The following WDR59 variants were observed in gnomAD, a reference collection of about 807,000 sequenced individuals.
The protein encoded by WDR59 is WD repeat domain 59, also known as GATOR2 complex protein WDR59.
In WDR59, 100 loss-of-function variants were observed where a neutral mutation model predicts 131.2. That is an observed-to-expected ratio of 0.76 (90% CI 0.65 to 0.90). The LOEUF is 0.90. Among genes scored for constraint, WDR59 ranks in the 40% least tolerant of loss-of-function variants. The pLI, the probability that WDR59 is intolerant of heterozygous loss-of-function variation, is 0.00. For synonymous variants in WDR59, 601 were observed against 466.2 expected (o/e 1.29, Z -3.72); for missense variants, 1,203 against 1,262.2 (o/e 0.95, Z 0.71).
intron 17 of WDR59, among the ~76,000 whole-genome samples, chr16:74,907,074 G>T (rs1965853780): frequency 6.6e-6 from 1 of 152,094 alleles, no homozygotes; most frequent in South Asian, 2.1e-4. Flanking sequence ...ACTCCAATAA[G>T]GAATCGGGTG....
At chr16:74,881,284 C>G (rs5001476) in intron 25 of WDR59, among the ~76,000 whole-genome samples, 2,652 of 152,234 alleles carry the variant, frequency 0.017, 58 homozygotes, top group African/African-American at 0.057. Flanking sequence ...GACAAGATTA[C>G]CACAGAGGAA....
chr16:74,968,205 G>T (rs1318076268), intron 1 of WDR59, among the ~76,000 whole-genome samples: 1 of 152,124 alleles, frequency 6.6e-6, no homozygotes, highest in Non-Finnish European at 1.5e-5. Flanking sequence ...AGAGGACGGG[G>T]AGACTGAGAG....
chr16:74,889,375 G>T (rs1300031516), intron 21 of WDR59, among the ~76,000 whole-genome samples: 1 of 152,204 alleles, frequency 6.6e-6, no homozygotes, highest in Non-Finnish European at 1.5e-5. Flanking sequence ...AGACCCTAGA[G>T]CTTTCAAGAA....
chr16:74,943,584 C>G (rs1313525352), intron 6 of WDR59, among the ~76,000 whole-genome samples: 1 of 152,206 alleles, frequency 6.6e-6, no homozygotes, highest in Non-Finnish European at 1.5e-5. Flanking sequence ...GCACCTCTAG[C>G]TGACTTTTAA....
chr16:74,934,633 A>G (rs1432148486), intron 8 of WDR59, among the ~76,000 whole-genome samples: 1 of 152,144 alleles, frequency 6.6e-6, no homozygotes, highest in African/African-American at 2.4e-5. Context: ...GCTACAAGCT[A>G]CAGATCAGAA....
chr16:74,940,335 C>T (rs1300874039), intron 7 of WDR59, among the ~76,000 whole-genome samples: 8 of 150,834 alleles, frequency 5.3e-5, no homozygotes, highest in South Asian at 4.2e-4. Flanking sequence ...GCCAAGAATG[C>T]GCCATTGCAC....
chr16:74,964,878 C>A (rs935497400), intron 2 of WDR59, among the ~76,000 whole-genome samples: 15 of 152,040 alleles, frequency 9.9e-5, no homozygotes, highest in Non-Finnish European at 1.8e-4. Flanking sequence ...GCCTGGCCAA[C>A]ATGGTGAAAC....
chr16:74,950,010 T>G, intron 4 of WDR59: 3 of 608,324 alleles, frequency 4.9e-6, no homozygotes, highest in Non-Finnish European at 9.3e-6. Context: ...TACCATCATC[T>G]GCTCCCAGAA....
intron 25 of WDR59, among the ~76,000 whole-genome samples, chr16:74,884,302 T>G (rs1233731931): frequency 6.6e-6 from 1 of 152,212 alleles, no homozygotes; most frequent in Non-Finnish European, 1.5e-5. Context: ...GCACACTGCT[T>G]ACTTCTTATG....
At chr16:74,971,157 T>C (rs1041454368) in intron 1 of WDR59, among the ~76,000 whole-genome samples, 1 of 152,144 alleles carries the variant, frequency 6.6e-6, no homozygotes, top group Non-Finnish European at 1.5e-5. Context: ...ATATTTTTGG[T>C]GGTTTCTCTT....
intron 2 of WDR59, chr16:74,959,724 G>A (rs902742355): frequency 7.6e-6 from 2 of 261,586 alleles, no homozygotes; most frequent in South Asian, 3.8e-5. Flanking sequence ...AGGCTGCAGC[G>A]AGCCATGATT....
intron 8 of WDR59, among the ~76,000 whole-genome samples, chr16:74,924,291 C>A (rs985440952): frequency 6.6e-6 from 1 of 152,222 alleles, no homozygotes; most frequent in African/African-American, 2.4e-5. Context: ...GCTGAAAATT[C>A]AGAGTGACGT....
At chr16:74,880,216 G>A (rs1328863560) in intron 25 of WDR59, among the ~76,000 whole-genome samples, 1 of 152,136 alleles carries the variant, frequency 6.6e-6, no homozygotes, top group East Asian at 1.9e-4. Context: ...GGGAGGCCGA[G>A]GCAGGAGGAC....
At chr16:74,891,371 A>G (rs1458782039) in intron 20 of WDR59, among the ~76,000 whole-genome samples, 1 of 152,214 alleles carries the variant, frequency 6.6e-6, no homozygotes, top group African/African-American at 2.4e-5. Context: ...TGAAAAATAT[A>G]CAGAAGGTAT....
At chr16:74,926,828 G>A (rs1305999291) in intron 8 of WDR59, among the ~76,000 whole-genome samples, 1 of 152,156 alleles carries the variant, frequency 6.6e-6, no homozygotes, top group East Asian at 1.9e-4. Context: ...GAAAAATTTA[G>A]AGTTCGAAGT....
chr16:74,976,444 T>C (rs2034184973), intron 1 of WDR59, among the ~76,000 whole-genome samples: 1 of 151,372 alleles, frequency 6.6e-6, no homozygotes, highest in Non-Finnish European at 1.5e-5. Context: ...TCTTTTCTTT[T>C]TTTTTTTTTT....
intron 10 of WDR59, among the ~76,000 whole-genome samples, chr16:74,921,063 T>C (rs770993130): frequency 3.9e-5 from 6 of 152,292 alleles, no homozygotes; most frequent in African/African-American, 9.6e-5. Context: ...AAATACATGA[T>C]ATATTTCACA....
At position 74,938,275 on chromosome 16, in the gene WDR59, G is replaced by C. The variant is rs781205811; in HGVS notation, c.535-9C>G. 22 of 1,485,192 alleles carry C rather than the reference G, an allele frequency of 1.5e-5. No individual in the cohort carries two copies. Among genetic ancestry groups the C allele is most frequent in the Non-Finnish European group, 1.9e-5 (21 of 1,109,230 alleles). The allele number at this position is 1,485,192 out of a possible 1,614,324, so 92.0% of individuals were successfully genotyped here. Reference sequence around the variant, plus strand: ...ACTGCTGTACTGGGTTTCTGCAACAGATCAGCACCTAATATTATCGATTTA... The same window carrying C: ...ACTGCTGTACTGGGTTTCTGCAACACATCAGCACCTAATATTATCGATTTA... On this transcript the variant is annotated splice_polypyrimidine_tract_variant and intron_variant, in intron 7 of 25. Transcript: ENST00000262144.
At chr16:74,937,951 C>G (rs914099070) in intron 8 of WDR59, among the ~76,000 whole-genome samples, 199 bp downstream of exon 8, 1 of 152,220 alleles carries the variant, frequency 6.6e-6, no homozygotes, top group African/African-American at 2.4e-5. Flanking sequence ...TTATGCTGAA[C>G]AGCACCATGC....
Sources: allele counts gnomAD v4.1 joint callset (sites outside exome capture counted in the v4.1 genomes callset), GRCh38; gene constraint gnomAD v4.1.1; transcripts MANE v1.5; gene names NCBI Gene and HGNC (gene_info 2026-07-23, HGNC 2026-07-21).